The following F8 variants were observed in gnomAD, a reference collection of about 807,000 sequenced individuals.
The protein encoded by F8 is coagulation factor VIII.
F8 carries 12 observed loss-of-function variants against 140.6 expected under a neutral mutation model. The ratio of observed to expected loss-of-function variants is 0.09; its 90% confidence interval spans 0.05 to 0.14. The LOEUF is 0.14. Among genes scored for constraint, F8 ranks in the 10% least tolerant of loss-of-function variants. F8 has a pLI of 1.00. For synonymous variants in F8, 585 were observed against 614.6 expected, an observed-to-expected ratio of 0.95 and a Z score of 0.71; for missense variants, 1,354 against 1,720.7, an observed-to-expected ratio of 0.79 and a Z score of 3.77.
intron 13 of F8, among the ~76,000 whole-genome samples, chrX:154,941,661 C>A (rs1276781719): frequency 1.8e-5 from 2 of 110,578 alleles, no homozygotes; most frequent in African/African-American, 3.3e-5. Flanking sequence ...CTGCACCAAG[C>A]GGACCTAATA....
chrX:155,017,529 G>A (rs1473213780), intron 1 of F8, among the ~76,000 whole-genome samples: 1 of 112,397 alleles, frequency 8.9e-6, no homozygotes, highest in Admixed American at 9.4e-5. Context: ...TGAAATCAAA[G>A]AAGATATTAC....
chrX:154,983,648 G>T (rs1431376427), intron 6 of F8, among the ~76,000 whole-genome samples: 20 of 112,330 alleles, frequency 1.8e-4, no homozygotes, highest in African/African-American at 5.8e-4. Context: ...AGTGGTCAGA[G>T]CCCTGCCTGT....
intron 4 of F8, among the ~76,000 whole-genome samples, chrX:154,990,409 T>C (rs1557284562): frequency 8.9e-6 from 1 of 111,923 alleles, no homozygotes; most frequent in African/African-American, 3.2e-5. Context: ...TATCATCTAC[T>C]TAGAGTCAAC....
intron 13 of F8, among the ~76,000 whole-genome samples, chrX:154,935,956 G>A (rs2073221977): frequency 2.0e-5 from 2 of 97,938 alleles, no homozygotes; most frequent in African/African-American, 8.5e-5. Context: ...ATTACAGATT[G>A]AATAAGCCTA....
chrX:154,941,808 C>A (rs1264114291), intron 13 of F8, among the ~76,000 whole-genome samples: 1 of 109,426 alleles, frequency 9.1e-6, no homozygotes, highest in East Asian at 2.8e-4. Flanking sequence ...GAAATTATAA[C>A]AAACTGTCTC....
intron 14 of F8, among the ~76,000 whole-genome samples, chrX:154,921,800 G>A (rs1314486015): frequency 3.8e-5 from 4 of 104,929 alleles, no homozygotes; most frequent in Non-Finnish European, 7.8e-5. Flanking sequence ...AACACTGTAT[G>A]TTCTCACTCA....
chrX:154,840,409 A>G lies in F8; in HGVS notation c.6901-2657T>C, dbSNP rs912593650. Among the ~76,000 whole-genome samples, 10 of 111,562 alleles carry G rather than the reference A, an allele frequency of 9.0e-5. No homozygotes were observed. The Admixed American group carries it at 9.5e-4, about 11-fold the overall frequency. ...GATCCCATTAATCTTCTGGCACATCAAGATCACCAAGATCATCTAAGATTG... is the reference window on the plus strand; with the variant it reads ...GATCCCATTAATCTTCTGGCACATCGAGATCACCAAGATCATCTAAGATTG... On this transcript the variant is annotated intron_variant, in intron 25 of 25. Transcript: ENST00000360256.
At position 154,969,907 on chromosome X, in the gene F8, TGGAACTCCA is replaced by T. The variant is rs782098616; in HGVS notation, c.788-364_788-356del. 8.0e-5 allele frequency among the ~76,000 whole-genome samples: 9 copies of T among 112,044 alleles called. No homozygotes were observed. In the East Asian group the frequency reaches 2.5e-3, roughly 31 times the overall value. On this transcript the variant is annotated intron_variant, in intron 6 of 25. Transcript: ENST00000360256. ...TTCTGTCTCCCCTGCTGACCTCTTCTGGAACTCCAGGCTCATACAGCCAATCACTTTCTC... is the reference window on the plus strand; with the variant it reads ...TTCTGTCTCCCCTGCTGACCTCTTCTGGCTCATACAGCCAATCACTTTCTC...
At chrX:155,008,501 G>A (rs983129394) in intron 1 of F8, among the ~76,000 whole-genome samples, 20 of 111,909 alleles carry the variant, frequency 1.8e-4, no homozygotes, top group African/African-American at 6.2e-4. Flanking sequence ...CGCCCAGGGC[G>A]CGGGCAGGAG....
Position 155,022,560 on chromosome X carries a change from TG to T in F8, c.-9del. 2 of 1,212,188 alleles carry T rather than the reference TG, an allele frequency of 1.6e-6. No homozygotes were observed. The highest frequency in any genetic ancestry group is 1.1e-6 in the Non-Finnish European group (1 of 895,554). ...GGAGAGCTCTATTTGCATGACTTAT[TG>T]CTACAAATGTTCAACTGGAGAAGCA... On this transcript the variant is annotated 5_prime_UTR_variant, in exon 1 of 26. Transcript: ENST00000360256.
At chrX:154,846,667 C>G (rs1467059794) in intron 25 of F8, among the ~76,000 whole-genome samples, 1 of 111,544 alleles carries the variant, frequency 9.0e-6, no homozygotes, top group Non-Finnish European at 1.9e-5. Flanking sequence ...TATTTCGAGC[C>G]TATGTGAGTC....
intron 22 of F8, among the ~76,000 whole-genome samples, chrX:154,877,617 C>T (rs1444645849): frequency 9.0e-5 from 10 of 111,265 alleles, no homozygotes; most frequent in African/African-American, 1.3e-4. Context: ...CTCAGCCTCC[C>T]GAGTAGCTGG....
intron 22 of F8, among the ~76,000 whole-genome samples, chrX:154,871,794 T>C (rs1188849299): frequency 1.8e-5 from 2 of 111,373 alleles, no homozygotes; most frequent in Admixed American, 9.6e-5. Context: ...TTGCAATCTA[T>C]CCATCTGAGA....
chrX:154,975,040 C>T (rs782695207), intron 6 of F8, among the ~76,000 whole-genome samples: 20 of 111,427 alleles, frequency 1.8e-4, no homozygotes, highest in Non-Finnish European at 3.8e-4. Flanking sequence ...CTAACTAACT[C>T]ATTATACTGA....
intron 1 of F8, among the ~76,000 whole-genome samples, chrX:155,009,713 G>A (rs1269386348): frequency 9.1e-6 from 1 of 110,053 alleles, no homozygotes; most frequent in Non-Finnish European, 1.9e-5. Context: ...CCAGCCTGGG[G>A]GATAGAGTTA....
At chrX:154,965,861 A>C (rs982239794) in intron 9 of F8, 109 bp downstream of exon 9, 2 of 742,337 alleles carry the variant, frequency 2.7e-6, no homozygotes, top group Non-Finnish European at 4.1e-6. Flanking sequence ...TATAGCTTTT[A>C]AAAGATCATG....
In F8 at chrX:154,861,624, A is replaced by G. The variant is rs782228442; in HGVS notation, c.6723+94T>C. On this transcript the variant is annotated intron_variant, in intron 24 of 25. Coordinates refer to ENST00000360256, the MANE Select transcript of F8 (RefSeq NM_000132.4). ...ACACTTTTTAGAACTAACAGTTGAC[A>G]GAAATACCTCAGAAGAAACAGTCAA... The G allele has an allele frequency of 2.1e-4, 224 of 1,063,020 alleles. No individual in the cohort carries two copies. The South Asian group carries it at 4.0e-3, about 19-fold the overall frequency. 87.6% of individuals were successfully genotyped at this position (1,063,020 alleles called of 1,213,427 possible).
Position 154,931,397 on chromosome X carries a change from A to C in F8, c.2393T>G (p.Met798Arg), listed in dbSNP as rs1381246968. The change falls in exon 14 of 26, where the codon ATG becomes AGG. Residue 798 changes from methionine to arginine, a missense_variant. Transcript: ENST00000360256. ...AGAGGAGACATTTTGTATTTTAGGC[A>C]TAGGTGTTCTGTGTGCAAACCAAGG... Reference protein sequence around the residue: ...TDPWFAHRTPMPKIQNVSSSD... With the variant: ...TDPWFAHRTPRPKIQNVSSSD... The C allele has an allele frequency of 2.5e-6, 3 of 1,209,555 alleles. No individual in the cohort carries two copies. Among genetic ancestry groups the C allele is most frequent in the Non-Finnish European group, 3.4e-6 (3 of 894,602 alleles).
At chrX:154,989,866 A>T (rs868924919) in intron 4 of F8, among the ~76,000 whole-genome samples, 1 of 112,189 alleles carries the variant, frequency 8.9e-6, no homozygotes, top group Middle Eastern at 4.2e-3. Flanking sequence ...GGTAAGGGAT[A>T]CTCAATCAGT....
Sources: allele counts gnomAD v4.1 joint callset (sites outside exome capture counted in the v4.1 genomes callset), GRCh38; gene constraint gnomAD v4.1.1; transcripts MANE v1.5; gene names NCBI Gene and HGNC (gene_info 2026-07-23, HGNC 2026-07-21).